HMGXB3: variants seen among roughly 807,000 people sequenced by gnomAD.
HMGXB3 encodes HMG-box containing 3, also known as HMG domain-containing protein 3.
A neutral mutation model predicts 121.5 loss-of-function variants in HMGXB3; 45 were observed. That is an observed-to-expected ratio of 0.37 (90% CI 0.29 to 0.47). The LOEUF (loss-of-function observed/expected upper bound fraction) is 0.47. Ranked by LOEUF, HMGXB3 falls within the 20% of genes least tolerant of loss-of-function variation. HMGXB3 has a pLI of 0.99. For synonymous variants in HMGXB3, 590 were observed against 624.1 expected (o/e 0.95, Z 0.81); for missense variants, 1,376 against 1,602.2 (o/e 0.86, Z 2.41).
chr5:150,049,999 T>G (rs951080612), intron 18 of HMGXB3, among the ~76,000 whole-genome samples: 10 of 152,210 alleles, frequency 6.6e-5, no homozygotes, highest in Non-Finnish European at 1.0e-4. Flanking sequence ...AAAGATGTTC[T>G]GAGGTGCCTT....
At chr5:150,032,852 A>G (rs1051431513) in intron 11 of HMGXB3, among the ~76,000 whole-genome samples, 2 of 152,250 alleles carry the variant, frequency 1.3e-5, no homozygotes, top group African/African-American at 2.4e-5. Context: ...CACTGCAGAG[A>G]ATGATGTAGC....
chr5:150,048,642 G>A lies in HMGXB3; in HGVS notation c.3158G>A (p.Arg1053His), dbSNP rs773229887. The A allele has an allele frequency of 7.7e-6, 12 of 1,551,692 alleles. No homozygotes were observed. The highest frequency in any genetic ancestry group is 3.9e-5 in the Admixed American group (2 of 50,976). Residue 1053 changes from arginine (R) to histidine (H), a missense_variant, in exon 18 of 20, where the codon CGT (arginine) becomes CAT (histidine). Physicochemically the swap from Arg to His is conservative, Grantham distance 29. Around this residue, in one of 2 missense-constraint regions of HMGXB3, gnomAD observed 1,116 missense variants for 1,369.0 expected, o/e 0.82. Transcript: ENST00000502717. Reference sequence around the variant, plus strand: ...GGAGCTAGAGCTATACGGCCCCCACGTCACTTCACAGGTGGTAAAATCTAC... The same window carrying A: ...GGAGCTAGAGCTATACGGCCCCCACATCACTTCACAGGTGGTAAAATCTAC... ...QNGARAIRPP[R>H]HFTGGKIYKV...
intron 3 of HMGXB3, among the ~76,000 whole-genome samples, chr5:150,007,938 T>G (rs1185005230): frequency 2.0e-5 from 3 of 151,932 alleles, no homozygotes; most frequent in African/African-American, 7.3e-5. Context: ...ACACCTGTAG[T>G]CCCAGCCACT....
intron 12 of HMGXB3, 73 bp downstream of exon 12, chr5:150,037,010 A>C (rs762507631): frequency 1.6e-6 from 2 of 1,257,920 alleles, no homozygotes; most frequent in East Asian, 5.1e-5. Flanking sequence ...TTCAGAAAAC[A>C]TTAAAACTAT....
At chr5:150,025,891 C>T (rs534002416) in intron 7 of HMGXB3, among the ~76,000 whole-genome samples, 12 of 151,206 alleles carry the variant, frequency 7.9e-5, no homozygotes, top group African/African-American at 2.2e-4. Context: ...GCTGGAGTGG[C>T]GCCATCTCGT....
At chr5:150,045,818 T>C (rs996088065) in intron 16 of HMGXB3, 133 bp downstream of exon 16, 7 of 681,994 alleles carry the variant, frequency 1.0e-5, no homozygotes, top group Middle Eastern at 4.0e-4. Context: ...AGAAAGATAA[T>C]AACAGCCCGT....
At chr5:150,008,516 G>A (rs545097943) in intron 3 of HMGXB3, among the ~76,000 whole-genome samples, 2 of 152,214 alleles carry the variant, frequency 1.3e-5, no homozygotes, top group Non-Finnish European at 2.9e-5. Flanking sequence ...CTGGAATGTA[G>A]TAAGACTGAG....
chr5:150,036,684 A>C lies in HMGXB3; in HGVS notation c.2032A>C (p.Ser678Arg). 6.4e-7 allele frequency: 1 copy of C among 1,550,860 alleles called. No individual in the cohort carries two copies. Among genetic ancestry groups the C allele is most frequent in the Non-Finnish European group, 8.7e-7 (1 of 1,146,968 alleles). The change falls in exon 12 of 20, where the codon AGC (serine) becomes CGC (arginine). Residue 678 changes from serine (S) to arginine (R), a missense_variant. By Grantham distance (110) the Ser-to-Arg change is moderately radical. Transcript: ENST00000502717. ...PDVLNATEPL[S>R]TAQREIQRQS... ...TGTACTGAATGCCACAGAGCCCCTGAGCACAGCCCAGAGGGAGATCCAGCG... is the reference window on the plus strand; with the variant it reads ...TGTACTGAATGCCACAGAGCCCCTGCGCACAGCCCAGAGGGAGATCCAGCG...
At position 150,036,792 on chromosome 5, in the gene HMGXB3, C is replaced by G; in HGVS notation, c.2140C>G (p.His714Asp). The change falls in exon 12 of 20, where the codon CAT becomes GAT. Residue 714 changes from histidine (H) to aspartate (D), a missense_variant. His to Asp is a moderately conservative substitution (Grantham distance 81, BLOSUM62 -1). Coordinates refer to ENST00000502717, the MANE Select transcript of HMGXB3 (RefSeq NM_014983.3). Reference sequence around the variant, plus strand: ...GCTGGCTGAGGTCTTCGCCTTGATTCATGAACTCAACAGCTCTCGACTTAT... The same window carrying G: ...GCTGGCTGAGGTCTTCGCCTTGATTGATGAACTCAACAGCTCTCGACTTAT... Reference protein sequence around the residue: ...SELAEVFALIHELNSSRLILS... With the variant: ...SELAEVFALIDELNSSRLILS... 1.3e-6 allele frequency: 2 copies of G among 1,551,740 alleles called. No homozygotes were observed. The highest frequency in any genetic ancestry group is 1.7e-6 in the Non-Finnish European group (2 of 1,147,008).
At chr5:150,007,735 C>G (rs1755733067) in intron 3 of HMGXB3, among the ~76,000 whole-genome samples, 1 of 151,946 alleles carries the variant, frequency 6.6e-6, no homozygotes, top group African/African-American at 2.4e-5. Context: ...CTTATCTACT[C>G]CCTTTGGTTT....
Position 150,048,601 on chromosome 5 carries a change from C to T in HMGXB3, c.3117C>T (p.Tyr1039=), listed in dbSNP as rs1357011401. 3.2e-6 allele frequency: 5 copies of T among 1,551,786 alleles called. No homozygotes were observed. Among genetic ancestry groups the T allele is most frequent in the South Asian group, 1.2e-5 (1 of 84,018 alleles). ...DQLCFSLLAL[Y]ESVQNGARAI... Reference sequence around the variant, plus strand: ...TCTGCTTCTCCTTGTTGGCCCTCTACGAATCTGTACAGAATGGAGCTAGAG... The same window carrying T: ...TCTGCTTCTCCTTGTTGGCCCTCTATGAATCTGTACAGAATGGAGCTAGAG... The change falls in exon 18 of 20, where the codon TAC becomes TAT. Residue 1039 remains tyrosine, a synonymous_variant. Coordinates refer to ENST00000502717, the MANE Select transcript of HMGXB3 (RefSeq NM_014983.3).
intron 6 of HMGXB3, 125 bp downstream of exon 6, chr5:150,018,822 A>T: frequency 1.1e-6 from 1 of 884,590 alleles, no homozygotes; most frequent in Non-Finnish European, 1.7e-6. Context: ...CAAGTAAATC[A>T]TTTCCATTGT....
At chr5:150,030,080 A>G (rs1042693860) in intron 9 of HMGXB3, among the ~76,000 whole-genome samples, 2 of 152,248 alleles carry the variant, frequency 1.3e-5, no homozygotes, top group African/African-American at 2.4e-5. Context: ...AGATATTCAG[A>G]AAATCAACTT....
At chr5:150,035,746 G>GA (rs778928889) in intron 11 of HMGXB3, among the ~76,000 whole-genome samples, 12 of 152,066 alleles carry the variant, frequency 7.9e-5, no homozygotes, top group South Asian at 2.1e-4. Context: ...GGATCAGGGA[G>GA]AAGCTCCATT....
chr5:150,045,774 C>A, intron 16 of HMGXB3, 89 bp downstream of exon 16: 1 of 1,019,956 alleles, frequency 9.8e-7, no homozygotes, highest in Non-Finnish European at 1.5e-6. Context: ...ACAGTGGTAG[C>A]GAGAGGGCCA....
intron 1 of HMGXB3, 28 bp downstream of exon 1, chr5:150,001,207 G>A (rs889543848): frequency 6.6e-6 from 1 of 152,606 alleles, no homozygotes; most frequent in Non-Finnish European, 1.5e-5. Flanking sequence ...GGGCCGCGCC[G>A]AGCCGCTGGG....
At chr5:150,025,671 G>A (rs946068181) in intron 7 of HMGXB3, among the ~76,000 whole-genome samples, 3 of 151,908 alleles carry the variant, frequency 2.0e-5, no homozygotes, top group Admixed American at 6.6e-5. Flanking sequence ...AGGCTCAATC[G>A]ATCTTCCCAC....
rs575684519 is a variant in HMGXB3 at position 150,036,652 on chromosome 5, T to G, written c.2000T>G (p.Leu667Arg). 1.3e-6 allele frequency: 2 copies of G among 1,546,816 alleles called. No homozygotes were observed. The highest frequency in any genetic ancestry group is 4.9e-5 in the East Asian group (2 of 40,836). ...TCTTCCCAGGAGGTGAGCTCACCAC[T>G]CCCAGATGTACTGAATGCCACAGAG... is the stretch of plus-strand genomic sequence containing the variant. ...TTKAIEVSSPLPDVLNATEPL... is the reference protein window; with the variant it reads ...TTKAIEVSSPRPDVLNATEPL... The change falls in exon 12 of 20, where the codon CTC becomes CGC. Residue 667 changes from leucine (L) to arginine (R), a missense_variant. Physicochemically the swap from Leu to Arg is moderately radical, Grantham distance 102 (BLOSUM62 -2). Around this residue, in one of 2 missense-constraint regions of HMGXB3, gnomAD observed 1,116 missense variants for 1,369.0 expected, o/e 0.82. Coordinates refer to ENST00000502717, the MANE Select transcript of HMGXB3 (RefSeq NM_014983.3).
At chr5:150,016,500 G>C (rs1377240594) in intron 5 of HMGXB3, among the ~76,000 whole-genome samples, 1 of 152,128 alleles carries the variant, frequency 6.6e-6, no homozygotes, top group Non-Finnish European at 1.5e-5. Context: ...TGGCCCCTTT[G>C]TTATTACAAA....
Sources: gnomAD v4.1 joint callset for allele counts (sites outside exome capture counted in the v4.1 genomes callset) on GRCh38, gnomAD v4.1.1 for gene constraint, gnomAD v4.1.1 regional missense constraint, MANE v1.5 for transcripts, NCBI Gene and HGNC (gene_info 2026-07-23, HGNC 2026-07-21) for gene names.